Variants in SHISA6 observed in about 807,000 individuals in gnomAD.
SHISA6 encodes protein shisa-6.
In SHISA6, 22 loss-of-function variants were observed where a neutral mutation model predicts 47.9. The ratio of observed to expected loss-of-function variants is 0.46; its 90% CI spans 0.33 to 0.66. The LOEUF (loss-of-function observed/expected upper bound fraction) is 0.66. Among genes scored for constraint, SHISA6 ranks in the 30% least tolerant of loss-of-function variants. The pLI is 0.02. For missense variants in SHISA6, 680 were observed against 764.6 expected, an observed-to-expected ratio of 0.89 and a Z score of 1.30; for synonymous variants, 388 against 337.8, an observed-to-expected ratio of 1.15 and a Z score of -1.63.
At chr17:11,549,771 A>G (rs1371860913) in intron 3 of SHISA6, among the ~76,000 whole-genome samples, 1 of 152,244 alleles carries the variant, frequency 6.6e-6, no homozygotes. Flanking sequence ...TGATCCTGCC[A>G]TATTGTTTAA....
Position 11,417,524 on chromosome 17 carries a change from G to A in SHISA6, c.895+38015G>A, listed in dbSNP as rs372596639. On this transcript the variant is annotated intron_variant, in intron 3 of 5. Coordinates refer to ENST00000441885, the MANE Select transcript of SHISA6 (RefSeq NM_207386.4). ...CACAGTGGACATTCTCCAGGACAGC[G>A]CTGGCCTTTTGGAGATCGGGGACAA... Among the ~76,000 whole-genome samples the A allele has an allele frequency of 2.0e-4, 30 of 152,312 alleles. 1 individual carries two copies. Among genetic ancestry groups the A allele is most frequent in the South Asian group, 4.1e-4 (2 of 4,824 alleles).
intron 2 of SHISA6, among the ~76,000 whole-genome samples, chr17:11,360,578 A>T (rs1597475594): frequency 6.6e-6 from 1 of 151,762 alleles, no homozygotes; most frequent in South Asian, 2.1e-4. Flanking sequence ...AAAAAAAAAA[A>T]AAGAGAACAC....
chr17:11,285,873 G>T (rs1284814784), intron 2 of SHISA6, among the ~76,000 whole-genome samples: 2 of 144,870 alleles, frequency 1.4e-5, no homozygotes, highest in Non-Finnish European at 3.0e-5. Flanking sequence ...GTCTCACTCT[G>T]TAGCCCAGGC....
At position 11,484,954 on chromosome 17, in the gene SHISA6, A is replaced by G. The variant is rs150129089; in HGVS notation, c.896-66942A>G. 6.4e-4 allele frequency among the ~76,000 whole-genome samples: 98 copies of G among 152,252 alleles called. 1 individual carries two copies. Among genetic ancestry groups the G allele is most frequent in the African/African-American group, 2.3e-3 (96 of 41,552 alleles). ...AATCCATAATAACGTGGCTTTTCCA[A>G]TTGATAAAAGAGCGTGTTATTTTAC... On this transcript the variant is annotated intron_variant, in intron 3 of 5. Transcript: ENST00000441885.
At chr17:11,264,431 C>G (rs184391272) in intron 2 of SHISA6, among the ~76,000 whole-genome samples, 1 of 152,300 alleles carries the variant, frequency 6.6e-6, no homozygotes, top group Non-Finnish European at 1.5e-5. Flanking sequence ...ACAGTAAGAA[C>G]TAGGAAACCG....
chr17:11,500,204 T>C (rs3095688), intron 3 of SHISA6, among the ~76,000 whole-genome samples: 100,693 of 152,038 alleles, frequency 0.66, 33,584 homozygotes, highest in East Asian at 0.86. Context: ...ATCCTCAGTC[T>C]CCTCACAGAT....
At chr17:11,285,735 A>AG (rs1219349488) in intron 2 of SHISA6, among the ~76,000 whole-genome samples, 3 of 152,134 alleles carry the variant, frequency 2.0e-5, no homozygotes, top group Non-Finnish European at 4.4e-5. Context: ...TAGCTGGGAA[A>AG]GGGCTCTTGT....
At chr17:11,283,179 C>T (rs539882596) in intron 2 of SHISA6, among the ~76,000 whole-genome samples, 5 of 152,232 alleles carry the variant, frequency 3.3e-5, no homozygotes, top group Admixed American at 3.3e-4. Context: ...CTCTTTTAGA[C>T]AAAATATGCA....
intron 2 of SHISA6, among the ~76,000 whole-genome samples, chr17:11,340,668 C>T (rs980025387): frequency 6.6e-6 from 1 of 152,122 alleles, no homozygotes; most frequent in African/African-American, 2.4e-5. Flanking sequence ...CAGTCTGGCC[C>T]AGGAAGGATC....
At chr17:11,436,336 A>C (rs1324058990) in intron 3 of SHISA6, among the ~76,000 whole-genome samples, 1 of 152,224 alleles carries the variant, frequency 6.6e-6, no homozygotes, top group Non-Finnish European at 1.5e-5. Context: ...CTTTTGTTTC[A>C]GCTACCCAGT....
intron 2 of SHISA6, among the ~76,000 whole-genome samples, chr17:11,377,258 A>C (rs911352431): frequency 6.6e-6 from 1 of 151,840 alleles, no homozygotes; most frequent in African/African-American, 2.4e-5. Context: ...ATGAACCACC[A>C]CCCCCAGCCT....
At chr17:11,481,362 GTGTGTA>G (rs1317604747) in intron 3 of SHISA6, among the ~76,000 whole-genome samples, 369 of 114,566 alleles carry the variant, frequency 3.2e-3, no homozygotes, top group Middle Eastern at 0.013. Flanking sequence ...GTGTGTGTGT[GTGTGTA>G]TATATATATA....
At chr17:11,519,764 C>T (rs961422175) in intron 3 of SHISA6, among the ~76,000 whole-genome samples, 1 of 152,184 alleles carries the variant, frequency 6.6e-6, no homozygotes. Context: ...CTCCCCCACG[C>T]CAACAAGCCT....
chr17:11,442,097 T>C (rs1394995581), intron 3 of SHISA6, among the ~76,000 whole-genome samples: 1 of 152,182 alleles, frequency 6.6e-6, no homozygotes, highest in Non-Finnish European at 1.5e-5. Flanking sequence ...TTCACTGTCA[T>C]CAGCCTCACA....
rs778616587 is a variant in SHISA6, at chr17:11,461,396, CAAAAAA to C, written c.895+81905_895+81910del. ...TGGGCAACAGAGCAAGACTCCATCT[CAAAAAA>C]AAAAAAAAAAAAAAAAAGGTACCTG... On this transcript the variant is annotated intron_variant, in intron 3 of 5. Transcript: ENST00000441885. Among the ~76,000 whole-genome samples the C allele has an allele frequency of 6.1e-4, 47 of 76,654 alleles. 1 individual carries two copies. Among genetic ancestry groups the C allele is most frequent in the Middle Eastern group, 6.6e-3 (1 of 152 alleles). The allele number at this position is 76,654 out of a possible 152,430, so 50.3% of individuals were successfully genotyped here.
At chr17:11,375,202 A>G (rs1912760596) in intron 2 of SHISA6, among the ~76,000 whole-genome samples, 1 of 152,188 alleles carries the variant, frequency 6.6e-6, no homozygotes, top group Non-Finnish European at 1.5e-5. Flanking sequence ...TGTTCAGAAA[A>G]AAAGAAAAAC....
At position 11,263,506 on chromosome 17, in the gene SHISA6, G is replaced by A. The variant is rs748761383; in HGVS notation, c.779G>A (p.Arg260His). 46 of 1,551,524 alleles carry A rather than the reference G, an allele frequency of 3.0e-5. 1 individual carries two copies. In the Admixed American group the frequency reaches 4.5e-4, roughly 15 times the overall value. The change falls in exon 2 of 6, where the codon CGT (arginine) becomes CAT (histidine). Residue 260 changes from arginine (R) to histidine (H), a missense_variant. By Grantham distance (29) the Arg-to-His change is conservative. Transcript: ENST00000441885. ...TCCAAAAACCACTACACTCCTGTGC[G>A]TACGGCCAAGCAGACTCCAGGTAAG... ...SSSKNHYTPVRTAKQTPGHYG... is the reference protein window; with the variant it reads ...SSSKNHYTPVHTAKQTPGHYG...
intron 3 of SHISA6, among the ~76,000 whole-genome samples, chr17:11,423,237 G>GTATATA (rs1349287384): frequency 4.7e-5 from 6 of 128,470 alleles, no homozygotes; most frequent in East Asian, 2.4e-4. Context: ...GTGTGTGTGT[G>GTATATA]TGTATATATA....
Position 11,241,709 on chromosome 17 carries a change from G to C in SHISA6, c.287G>C (p.Gly96Ala). ...SAAVTYETCW[G>A]YYDVSGQYDK... ...GCCGTCACCTACGAGACGTGCTGGG[G>C]CTACTACGACGTGAGCGGCCAGTAC... The change falls in exon 1 of 6, where the codon GGC becomes GCC. Residue 96 changes from glycine to alanine, a missense_variant. By Grantham distance (60) the Gly-to-Ala change is moderately conservative. This residue lies in a region of SHISA6 where 559 missense variants were observed against 674.1 expected (regional missense o/e 0.83). Coordinates refer to ENST00000441885, the MANE Select transcript of SHISA6 (RefSeq NM_207386.4). This position sits in a 1 kb window ranked among gnomAD's most constrained non-coding sequence, Gnocchi z 5.5. The C allele has an allele frequency of 6.5e-7, 1 of 1,538,894 alleles. No homozygotes were observed.
Sources: allele counts gnomAD v4.1 joint callset (sites outside exome capture counted in the v4.1 genomes callset), GRCh38; gene constraint gnomAD v4.1.1; regional missense constraint gnomAD v4.1.1; non-coding constraint Gnocchi (gnomAD v3.1); transcripts MANE v1.5; gene names NCBI Gene and HGNC (gene_info 2026-07-23, HGNC 2026-07-21).